Variants in ADAMTS14 observed in about 807,000 individuals in gnomAD.
ADAMTS14 encodes ADAM metallopeptidase with thrombospondin type 1 motif 14, also known as A disintegrin and metalloproteinase with thrombospondin motifs 14.
In ADAMTS14, 100 loss-of-function variants were observed where a neutral mutation model predicts 128.6. The observed-to-expected ratio is 0.78, with a 90% CI of 0.66 to 0.92. The LOEUF is 0.92. Among genes scored for constraint, ADAMTS14 ranks in the 40% least tolerant of loss-of-function variants. The probability of loss-of-function intolerance (pLI) is 0.00; values close to 1 mark genes in which losing one functional copy is unlikely to be tolerated. For missense variants in ADAMTS14, 1,562 were observed against 1,658.6 expected (o/e 0.94, Z 1.01); for synonymous variants, 665 against 653.8 (o/e 1.02, Z -0.26).
In ADAMTS14 at chr10:70,749,833, C is replaced by T; in HGVS notation, c.2275C>T (p.Gln759Ter). ...KSPHRIVVKN[Q>*]VTGSFILNPK... ...CCCCCACCGGTCAGTGGTGAAGAAC[C>T]AGGTCACCGGCAGCTTCATCCTCAA... The change falls in exon 16 of 22, where the codon CAG becomes TAG. Residue 759 changes from glutamine (Q) to a stop codon, truncating the protein, a stop_gained. Coordinates refer to ENST00000373207, the MANE Select transcript of ADAMTS14 (RefSeq NM_080722.4). LOFTEE classifies it high-confidence loss of function. 6.2e-7 allele frequency: 1 copy of T among 1,613,892 alleles called. No homozygotes were observed. The highest frequency in any genetic ancestry group is 8.5e-7 in the Non-Finnish European group (1 of 1,179,970).
intron 15 of ADAMTS14, 97 bp from the exon 16 acceptor site, chr10:70,749,725 A>G (rs1424646598): frequency 7.0e-7 from 1 of 1,436,026 alleles, no homozygotes; most frequent in African/African-American, 1.4e-5. Flanking sequence ...ACAGGAGCCC[A>G]GAAGGCTCAC....
chr10:70,734,071 G>T (rs777068498), intron 8 of ADAMTS14, 43 bp downstream of exon 8: 1 of 1,587,426 alleles, frequency 6.3e-7, no homozygotes. Context: ...GGGAGCATGC[G>T]ACCTGCCACT....
In ADAMTS14 at chr10:70,744,155, G is replaced by T; in HGVS notation, c.2148G>T (p.Val716=). Residue 716 remains valine, a synonymous_variant, in exon 14 of 22, where the codon GTG becomes GTT. Transcript: ENST00000373207. The part of the protein sequence containing the change: ...CGGDNSHCRT[V]KGTLGKASKQ... ...GTGACAACTCCCACTGCAGGACTGT[G>T]AAGGGGACGCTGGGCAAGGCCTCCA... 2.6e-6 allele frequency: 4 copies of T among 1,548,686 alleles called. No individual in the cohort carries two copies. Among genetic ancestry groups the T allele is most frequent in the Middle Eastern group, 1.7e-4 (1 of 5,962 alleles).
In ADAMTS14 at chr10:70,735,244, C is replaced by G. The variant is rs1451689850; in HGVS notation, c.1428C>G (p.Tyr476Ter). 1 of 1,613,984 alleles carries G rather than the reference C, an allele frequency of 6.2e-7. No individual in the cohort carries two copies. The highest frequency in any genetic ancestry group is 8.5e-7 in the Non-Finnish European group (1 of 1,179,990). The change falls in exon 9 of 22, where the codon TAC (tyrosine) becomes TAG (stop). Residue 476 changes from tyrosine (Y) to a stop codon, truncating the protein, a stop_gained. Coordinates refer to ENST00000373207, the MANE Select transcript of ADAMTS14 (RefSeq NM_080722.4). LOFTEE classifies it high-confidence loss of function. ...PQPPELPGIN[Y>*]SMDEQCRFDF... ...CCCCAGAGCTGCCTGGGATCAACTA[C>G]TCAATGGATGAGCAGTGCCGCTTTG...
At position 70,714,172 on chromosome 10, in the gene ADAMTS14, A is replaced by G. The variant is rs532186708; in HGVS notation, c.870+5394A>G. On this transcript the variant is annotated intron_variant, in intron 4 of 21. Coordinates refer to ENST00000373207, the MANE Select transcript of ADAMTS14 (RefSeq NM_080722.4). ...TGTGCCGCTGCACTCCACCCTGGCC[A>G]ACAGAATAAGACCCTGTCTCTAGAA... Among the ~76,000 whole-genome samples the G allele has an allele frequency of 7.2e-5, 11 of 152,292 alleles. No individual in the cohort carries two copies. In the South Asian group the frequency reaches 2.3e-3, roughly 32 times the overall value.
chr10:70,708,809 G>C (rs942757022), intron 4 of ADAMTS14, 31 bp downstream of exon 4: 8 of 1,476,992 alleles, frequency 5.4e-6, no homozygotes, highest in Non-Finnish European at 6.4e-6. Flanking sequence ...GGACTTGGGG[G>C]GAGTGGGGTG....
chr10:70,759,215 G>A (rs1842552202), intron 21 of ADAMTS14, among the ~76,000 whole-genome samples: 1 of 137,570 alleles, frequency 7.3e-6, no homozygotes, highest in African/African-American at 2.7e-5. Flanking sequence ...GGACGATTCC[G>A]ATTCTGGTTC....
At chr10:70,751,876 A>C (rs1378644935) in intron 17 of ADAMTS14, among the ~76,000 whole-genome samples, 1 of 152,234 alleles carries the variant, frequency 6.6e-6, no homozygotes. Flanking sequence ...GAGCTCACCC[A>C]CTGTGGGGAC....
chr10:70,678,408 G>T (rs1052774809), intron 2 of ADAMTS14, among the ~76,000 whole-genome samples: 1 of 150,708 alleles, frequency 6.6e-6, no homozygotes, highest in African/African-American at 2.4e-5. Context: ...GGGAGTGATT[G>T]TTTTCTTTGA....
chr10:70,708,540 AG>A lies in ADAMTS14; in HGVS notation c.680-47del, dbSNP rs749337899. On this transcript the variant is annotated intron_variant, in intron 3 of 21. Transcript: ENST00000373207. ...GGGTGGTGGGCAATGTCACAGTGAC[AG>A]CCCCTCCTGTGGGTTGGACCTCACT... 5.0e-5 allele frequency: 76 copies of A among 1,528,934 alleles called. No homozygotes were observed. In the African/African-American group the frequency reaches 8.9e-4, roughly 18 times the overall value. 94.7% of individuals were successfully genotyped at this position (1,528,934 alleles called of 1,614,324 possible). A position where few individuals can be genotyped will look rare whatever the true frequency, so the allele number is the denominator to read the frequency against.
At chr10:70,723,942 C>T (rs531594078) in intron 4 of ADAMTS14, among the ~76,000 whole-genome samples, 1 of 152,352 alleles carries the variant, frequency 6.6e-6, no homozygotes, top group African/African-American at 2.4e-5. Flanking sequence ...CTTCTCACTT[C>T]TAGCTGCGTG....
At chr10:70,719,189 T>G (rs10999482) in intron 4 of ADAMTS14, among the ~76,000 whole-genome samples, 31,820 of 151,956 alleles carry the variant, frequency 0.21, 4,149 homozygotes, top group Non-Finnish European at 0.3. Flanking sequence ...CCCCCTGACC[T>G]ATGGTATTAG....
At chr10:70,747,750 C>T (rs1441692500) in intron 15 of ADAMTS14, among the ~76,000 whole-genome samples, 1 of 152,158 alleles carries the variant, frequency 6.6e-6, no homozygotes, top group Non-Finnish European at 1.5e-5. Flanking sequence ...TCCGGGGAGC[C>T]TGGTGGGGAG....
chr10:70,754,461 G>A (rs1842432532), intron 19 of ADAMTS14, among the ~76,000 whole-genome samples: 1 of 152,194 alleles, frequency 6.6e-6, no homozygotes, highest in Non-Finnish European at 1.5e-5. Context: ...AGTCGGAGCT[G>A]GGTGGGGAGT....
rs1232484668 is a variant in ADAMTS14 at position 70,718,412 on chromosome 10, C to T, written c.870+9634C>T. ...TAAAAGTTATTTTATTTTTTTGAGA[C>T]GGAGTTTCACTGTTGCCCAGGCTGG... On this transcript the variant is annotated intron_variant, in intron 4 of 21. Transcript: ENST00000373207. Among the ~76,000 whole-genome samples, 7 of 152,022 alleles carry T rather than the reference C, an allele frequency of 4.6e-5. No individual in the cohort carries two copies. The South Asian group carries it at 1.2e-3, about 27-fold the overall frequency.
At chr10:70,734,120 T>C (rs10740358) in intron 8 of ADAMTS14, 92 bp downstream of exon 8, 1,268,386 of 1,517,292 alleles carry the variant, frequency 0.84, 531,674 homozygotes, top group East Asian at 0.89. Context: ...TTCCCCACGT[T>C]GCCCCTGGCT....
At chr10:70,714,819 G>A (rs1182260458) in intron 4 of ADAMTS14, among the ~76,000 whole-genome samples, 2 of 151,446 alleles carry the variant, frequency 1.3e-5, no homozygotes, top group East Asian at 1.9e-4. Context: ...GTGGTGGTGC[G>A]CCTGTAGTTC....
intron 6 of ADAMTS14, among the ~76,000 whole-genome samples, chr10:70,731,275 A>G: frequency 6.6e-6 from 1 of 152,188 alleles, no homozygotes; most frequent in East Asian, 1.9e-4. Flanking sequence ...AGGCACTCAC[A>G]TAGACACAGA....
At position 70,753,866 on chromosome 10, in the gene ADAMTS14, G is replaced by C. The variant is rs1282150123; in HGVS notation, c.2796G>C (p.Gly932=). 1 of 1,594,102 alleles carries C rather than the reference G, an allele frequency of 6.3e-7. No homozygotes were observed. The highest frequency in any genetic ancestry group is 8.5e-7 in the Non-Finnish European group (1 of 1,171,630). The part of the protein sequence containing the change: ...SCGKLGVQTR[G]IQCLLPLSNG... ...GGAAGCTGGGGGTGCAGACACGGGGGATACAGTGCCTGCTGCCCCTCTCCA... is the reference window on the plus strand; with the variant it reads ...GGAAGCTGGGGGTGCAGACACGGGGCATACAGTGCCTGCTGCCCCTCTCCA... Residue 932 remains glycine, a synonymous_variant, in exon 19 of 22, where the codon GGG becomes GGC. Transcript: ENST00000373207.
Sources: allele counts gnomAD v4.1 joint callset (sites outside exome capture counted in the v4.1 genomes callset), GRCh38; gene constraint gnomAD v4.1.1; transcripts MANE v1.5; gene names NCBI Gene and HGNC (gene_info 2026-07-23, HGNC 2026-07-21).